Variants in CLASP2 observed in about 807,000 individuals in gnomAD.
CLASP2 encodes the protein CLIP-associating protein 2.
In CLASP2, 47 loss-of-function variants were observed where a neutral mutation model predicts 194.4. The observed-to-expected ratio is 0.24, with a 90% CI of 0.19 to 0.31. The LOEUF is 0.31. CLASP2 is among the 10% of genes least tolerant of loss of function. The pLI is 1.00. For synonymous variants in CLASP2, 619 were observed against 633.5 expected, an observed-to-expected ratio of 0.98 and a Z score of 0.34; for missense variants, 1,445 against 1,823.6, an observed-to-expected ratio of 0.79 and a Z score of 3.78.
At chr3:33,659,110 C>T (rs1010731462) in intron 7 of CLASP2, 12 of 1,468,384 alleles carry the variant, frequency 8.2e-6, no homozygotes, top group South Asian at 2.8e-5. Flanking sequence ...CACTGTGTGA[C>T]CCAGGCCTCG....
rs1382210538 is a variant in CLASP2, at chr3:33,696,904, A to T, written c.225T>A (p.Ser75Arg). The stretch of plus-strand genomic sequence containing the variant: ...GTGTTGATAATCTGTCCACAAAGGC[A>T]CTTAAAATTTCCAATCCCATTAATG... ...RVSLMGLEIL[S>R]AFVDRLSTRF... Residue 75 changes from serine to arginine, a missense_variant, in exon 2 of 39, where the codon AGT becomes AGA. This residue lies in a region of CLASP2 where 332 missense variants were observed against 325.3 expected (regional missense o/e 1.02). Coordinates refer to ENST00000682230, the MANE Select transcript of CLASP2 (RefSeq NM_001365631.1). 1 of 1,596,056 alleles carries T rather than the reference A, an allele frequency of 6.3e-7. No homozygotes were observed. Among genetic ancestry groups the T allele is most frequent in the Non-Finnish European group, 8.6e-7 (1 of 1,169,462 alleles).
At chr3:33,508,135 T>C (rs1278536108) in intron 37 of CLASP2, among the ~76,000 whole-genome samples, 6 of 151,718 alleles carry the variant, frequency 4.0e-5, no homozygotes, top group South Asian at 2.1e-4. Context: ...GCTGGGACCA[T>C]AGGCATGCCA....
At chr3:33,581,023 AAAAAAAAAG>A (rs922599749) in intron 23 of CLASP2, among the ~76,000 whole-genome samples, 12 of 150,084 alleles carry the variant, frequency 8.0e-5, no homozygotes, top group Non-Finnish European at 1.5e-4. Context: ...CTCAAAAAAA[AAAAAAAAAG>A]AAAGAAAGAA....
chr3:33,699,592 C>T (rs1183332096), intron 1 of CLASP2, among the ~76,000 whole-genome samples: 1 of 152,080 alleles, frequency 6.6e-6, no homozygotes, highest in Non-Finnish European at 1.5e-5. Context: ...TTAAGTAATA[C>T]ATCCCAAGAC....
At chr3:33,647,319 C>T (rs2082433467) in intron 7 of CLASP2, among the ~76,000 whole-genome samples, 1 of 151,964 alleles carries the variant, frequency 6.6e-6, no homozygotes, top group East Asian at 1.9e-4. Flanking sequence ...AAATGTGGCC[C>T]CTATACCAGC....
chr3:33,574,006 A>C (rs2064297517), intron 24 of CLASP2, among the ~76,000 whole-genome samples: 1 of 152,174 alleles, frequency 6.6e-6, no homozygotes, highest in African/African-American at 2.4e-5. Context: ...TTAATTCAAT[A>C]AATATAAGAA....
At chr3:33,686,036 G>A (rs1462380377) in intron 5 of CLASP2, among the ~76,000 whole-genome samples, 1 of 152,052 alleles carries the variant, frequency 6.6e-6, no homozygotes, top group Admixed American at 6.6e-5. Flanking sequence ...GAAAAAAAAA[G>A]AATGTGGTCT....
chr3:33,501,779 A>T lies in CLASP2; in HGVS notation c.4318-11T>A. 1 of 1,570,364 alleles carries T rather than the reference A, an allele frequency of 6.4e-7. No individual in the cohort carries two copies. Among genetic ancestry groups the T allele is most frequent in the Non-Finnish European group, 8.8e-7 (1 of 1,140,578 alleles). ...TGAATTATCATAACCCTACGGAGAGAAGTCCACTGTTAGTACTCCAGAGAA... is the reference window on the plus strand; with the variant it reads ...TGAATTATCATAACCCTACGGAGAGTAGTCCACTGTTAGTACTCCAGAGAA... On this transcript the variant is annotated splice_polypyrimidine_tract_variant and intron_variant, in intron 37 of 38. Coordinates refer to ENST00000682230, the MANE Select transcript of CLASP2 (RefSeq NM_001365631.1).
At chr3:33,600,392 T>A (rs1577020652) in intron 18 of CLASP2, among the ~76,000 whole-genome samples, 1 of 152,180 alleles carries the variant, frequency 6.6e-6, no homozygotes, top group Non-Finnish European at 1.5e-5. Flanking sequence ...ATGACTTCTG[T>A]TCCTAGTTTG....
At position 33,576,238 on chromosome 3, in the gene CLASP2, C is replaced by T. The variant is rs534170674; in HGVS notation, c.2385G>A (p.Ser795=). The change falls in exon 24 of 39, where the codon TCG becomes TCA. Residue 795 remains serine, a synonymous_variant. Transcript: ENST00000682230. Reference sequence around the variant, plus strand: ...GGACTCGCATGGCACTAACAGAAGACGACAGTCGACTTGATTGGCTGATCC... The same window carrying T: ...GGACTCGCATGGCACTAACAGAAGATGACAGTCGACTTGATTGGCTGATCC... ...GYGISQSSRL[S]SSVSAMRVLN... The T allele has an allele frequency of 4.6e-5, 74 of 1,613,714 alleles. No homozygotes were observed. In the East Asian group the frequency reaches 8.2e-4, roughly 18 times the overall value.
chr3:33,684,309 T>C (rs1451172250), intron 6 of CLASP2, 50 bp downstream of exon 6: 1 of 1,001,346 alleles, frequency 1.0e-6, no homozygotes, highest in Non-Finnish European at 1.5e-6. Context: ...TGAAAACTTT[T>C]AAAACTAGTG....
At chr3:33,631,515 G>A (rs1335556326) in intron 9 of CLASP2, among the ~76,000 whole-genome samples, 1 of 152,058 alleles carries the variant, frequency 6.6e-6, no homozygotes, top group African/African-American at 2.4e-5. Flanking sequence ...GACCAACATA[G>A]TGAAACCCCG....
intron 1 of CLASP2, among the ~76,000 whole-genome samples, chr3:33,699,872 C>CAAAA (rs34347002): frequency 6.4e-5 from 6 of 93,940 alleles, no homozygotes; most frequent in Admixed American, 1.1e-4. Context: ...ATTGTACTAC[C>CAAAA]AAAAAAAAAA....
At chr3:33,665,533 T>C (rs1368179523) in intron 6 of CLASP2, among the ~76,000 whole-genome samples, 1 of 152,170 alleles carries the variant, frequency 6.6e-6, no homozygotes, top group Non-Finnish European at 1.5e-5. Flanking sequence ...ACTCTTCCTA[T>C]GACTGTTCTA....
chr3:33,663,334 G>A, intron 7 of CLASP2, 111 bp downstream of exon 7: 1 of 630,508 alleles, frequency 1.6e-6, no homozygotes, highest in Non-Finnish European at 2.6e-6. Context: ...TCTCAACTAA[G>A]TTTTCAAGCC....
At chr3:33,599,836 C>T (rs1012308930) in intron 18 of CLASP2, among the ~76,000 whole-genome samples, 6 of 151,946 alleles carry the variant, frequency 3.9e-5, no homozygotes, top group African/African-American at 9.7e-5. Context: ...CTGAAAAAGC[C>T]GCAGGCAGGT....
chr3:33,582,399 A>G (rs573874643), intron 22 of CLASP2, among the ~76,000 whole-genome samples: 2 of 152,310 alleles, frequency 1.3e-5, no homozygotes, highest in South Asian at 4.1e-4. Context: ...TCATTCCTGT[A>G]ATTCCAGCAA....
At chr3:33,713,189 G>A (rs2093119549) in intron 1 of CLASP2, among the ~76,000 whole-genome samples, 1 of 152,050 alleles carries the variant, frequency 6.6e-6, no homozygotes, top group Non-Finnish European at 1.5e-5. Flanking sequence ...TAAATTATGT[G>A]TGATTGTCCT....
In CLASP2 at chr3:33,644,483, C is replaced by CA. The variant is rs1201659660; in HGVS notation, c.862+273dup. The CA allele has an allele frequency of 7.0e-5, 27 of 383,246 alleles. 1 individual carries two copies. Among genetic ancestry groups the CA allele is most frequent in the Admixed American group, 4.1e-5 (1 of 24,622 alleles). 23.7% of individuals were successfully genotyped at this position (383,246 alleles called of 1,614,324 possible). ...CTGCTTAAAAAAAACAAAAAAACCC[C>CA]AAAAAACTTCCATAAATCTTTTTCA... On this transcript the variant is annotated intron_variant, in intron 8 of 38. Transcript: ENST00000682230.
Sources: allele counts gnomAD v4.1 joint callset (sites outside exome capture counted in the v4.1 genomes callset), GRCh38; gene constraint gnomAD v4.1.1; regional missense constraint gnomAD v4.1.1; transcripts MANE v1.5; gene names NCBI Gene and HGNC (gene_info 2026-07-23, HGNC 2026-07-21).